The following DLC1 variants were observed in gnomAD, a reference collection of about 807,000 sequenced individuals.
The protein encoded by DLC1 is DLC1 Rho GTPase activating protein.
In DLC1, 54 loss-of-function variants were observed where a neutral mutation model predicts 140.3. The ratio of observed to expected loss-of-function variants is 0.38; its 90% CI spans 0.31 to 0.48. The LOEUF (loss-of-function observed/expected upper bound fraction) is 0.48. Among genes scored for constraint, DLC1 ranks in the 20% least tolerant of loss-of-function variants. The pLI is 0.96. For synonymous variants in DLC1, 986 were observed against 728.1 expected, an observed-to-expected ratio of 1.35 and a Z score of -5.70; for missense variants, 2,536 against 1,907.0, an observed-to-expected ratio of 1.33 and a Z score of -6.14.
intron 4 of DLC1, among the ~76,000 whole-genome samples, chr8:13,307,984 G>C (rs916641827): frequency 6.6e-6 from 1 of 152,178 alleles, no homozygotes; most frequent in African/African-American, 2.4e-5. Context: ...TTTTGTATGA[G>C]ACATTTAGGC....
At chr8:13,215,895 C>T (rs774637589) in intron 5 of DLC1, among the ~76,000 whole-genome samples, 5 of 152,176 alleles carry the variant, frequency 3.3e-5, no homozygotes, top group Non-Finnish European at 7.3e-5. Context: ...GGCTACAACT[C>T]GTCTCCCCAG....
chr8:13,319,817 C>CCCTTTTT (rs1833016007), intron 4 of DLC1, among the ~76,000 whole-genome samples: 1 of 17,058 alleles, frequency 5.9e-5, no homozygotes, highest in Admixed American at 1.1e-3. Context: ...AATTCTCTCT[C>CCCTTTTT]TCTCTTTTTT....
chr8:13,413,674 C>T (rs1044228508), intron 2 of DLC1, among the ~76,000 whole-genome samples: 1 of 152,008 alleles, frequency 6.6e-6, no homozygotes, highest in Admixed American at 6.6e-5. Context: ...TAGTGCTTGA[C>T]TTCTCACACG....
chr8:13,158,875 CT>C (rs1443382825), intron 5 of DLC1, among the ~76,000 whole-genome samples: 2 of 152,192 alleles, frequency 1.3e-5, no homozygotes, highest in African/African-American at 4.8e-5. Context: ...CCAGGGTCCC[CT>C]GGTACACCCA....
At chr8:13,305,178 A>C (rs1323519888) in intron 5 of DLC1, 91 bp downstream of exon 5, 1 of 1,529,066 alleles carries the variant, frequency 6.5e-7, no homozygotes, top group African/African-American at 1.4e-5. Context: ...TGAGATGTAT[A>C]CATTTTATAT....
intron 5 of DLC1, among the ~76,000 whole-genome samples, chr8:13,125,254 G>A (rs886673492): frequency 6.6e-6 from 1 of 152,240 alleles, no homozygotes; most frequent in South Asian, 2.1e-4. Flanking sequence ...TGGGATTACA[G>A]GCATGAGCCA....
At chr8:13,316,508 C>A (rs977200917) in intron 4 of DLC1, among the ~76,000 whole-genome samples, 1 of 151,912 alleles carries the variant, frequency 6.6e-6, no homozygotes, top group Non-Finnish European at 1.5e-5. Context: ...TATATGAGAA[C>A]GCTTTATATG....
chr8:13,247,447 A>G (rs1428106738), intron 5 of DLC1, among the ~76,000 whole-genome samples: 1 of 152,174 alleles, frequency 6.6e-6, no homozygotes, highest in African/African-American at 2.4e-5. Flanking sequence ...CAGCATTCTA[A>G]GTGCTTTATT....
At chr8:13,498,001 T>C (rs1323839551) in intron 2 of DLC1, among the ~76,000 whole-genome samples, 2 of 152,186 alleles carry the variant, frequency 1.3e-5, no homozygotes, top group African/African-American at 4.8e-5. Context: ...ACAAAGAAAG[T>C]AGTAGATTTT....
At chr8:13,240,815 C>T (rs1230807492) in intron 5 of DLC1, among the ~76,000 whole-genome samples, 9 of 152,168 alleles carry the variant, frequency 5.9e-5, no homozygotes, top group Admixed American at 5.9e-4. Flanking sequence ...TATATATTTT[C>T]TTTAATTAGA....
At chr8:13,213,725 A>G (rs1300832388) in intron 5 of DLC1, among the ~76,000 whole-genome samples, 2 of 151,780 alleles carry the variant, frequency 1.3e-5, no homozygotes, top group Admixed American at 6.6e-5. Context: ...TTTCAAACCA[A>G]TGCTTAATGA....
At chr8:13,139,226 C>T (rs1822789334) in intron 5 of DLC1, among the ~76,000 whole-genome samples, 1 of 124,920 alleles carries the variant, frequency 8.0e-6, no homozygotes, top group African/African-American at 3.1e-5. Context: ...GTAGTCGAGG[C>T]TGGATTAAGC....
Position 13,163,130 on chromosome 8 carries a change from C to T in DLC1, c.1349-47473G>A, listed in dbSNP as rs142942028. Among the ~76,000 whole-genome samples, 109 of 152,180 alleles carry T rather than the reference C, an allele frequency of 7.2e-4. 1 individual carries two copies. The East Asian group carries it at 0.013, about 18-fold the overall frequency. On this transcript the variant is annotated intron_variant, in intron 5 of 17. Transcript: ENST00000276297. ...ACAGCTTGGTGGCCCACGATTTTAGCCTCAATGTTAAATATATGTTACTTG... is the reference window on the plus strand; with the variant it reads ...ACAGCTTGGTGGCCCACGATTTTAGTCTCAATGTTAAATATATGTTACTTG...
intron 2 of DLC1, among the ~76,000 whole-genome samples, chr8:13,495,032 T>C (rs1801439398): frequency 6.6e-6 from 1 of 152,060 alleles, no homozygotes; most frequent in South Asian, 2.1e-4. Flanking sequence ...GAATATAAGG[T>C]TTTTGTTGGA....
intron 1 of DLC1, among the ~76,000 whole-genome samples, chr8:13,587,306 G>A (rs1049920691): frequency 4.0e-5 from 6 of 151,684 alleles, no homozygotes; most frequent in Non-Finnish European, 8.8e-5. Flanking sequence ...AAAAGAGAGA[G>A]AAAGAGATTA....
At chr8:13,148,555 C>T (rs1351209823) in intron 5 of DLC1, among the ~76,000 whole-genome samples, 2 of 152,148 alleles carry the variant, frequency 1.3e-5, no homozygotes, top group Non-Finnish European at 2.9e-5. Context: ...TAAGGAGAAG[C>T]TGACCAACTA....
chr8:13,460,394 C>T (rs1011344556), intron 2 of DLC1, among the ~76,000 whole-genome samples: 2 of 152,232 alleles, frequency 1.3e-5, no homozygotes, highest in Admixed American at 6.5e-5. Context: ...ACCGTAAGCT[C>T]ACTGCACGTG....
At chr8:13,572,505 A>G (rs1223925184) in intron 1 of DLC1, among the ~76,000 whole-genome samples, 1 of 151,986 alleles carries the variant, frequency 6.6e-6, no homozygotes, top group Non-Finnish European at 1.5e-5. Flanking sequence ...CAGTTTTTCT[A>G]TTTCTTCTTT....
intron 5 of DLC1, among the ~76,000 whole-genome samples, chr8:13,145,787 T>C (rs1206879503): frequency 1.3e-5 from 2 of 152,204 alleles, no homozygotes; most frequent in Non-Finnish European, 2.9e-5. Flanking sequence ...TTACATAATT[T>C]TCAATTTAAT....
Sources: gnomAD v4.1 joint callset for allele counts (sites outside exome capture counted in the v4.1 genomes callset) on GRCh38, gnomAD v4.1.1 for gene constraint, MANE v1.5 for transcripts, NCBI Gene and HGNC (gene_info 2026-07-23, HGNC 2026-07-21) for gene names.